The following CADM2 variants were observed in gnomAD, a reference collection of about 807,000 sequenced individuals.
The protein encoded by CADM2 is immunoglobulin superfamily member 4D.
Under a neutral mutation model 49.8 loss-of-function variants are expected in CADM2, and 12 were observed. That is an observed-to-expected ratio of 0.24 (90% CI 0.15 to 0.39). CADM2 has a LOEUF of 0.39. Among genes scored for constraint, CADM2 ranks in the 10% least tolerant of loss-of-function variants. The pLI, the probability that CADM2 is intolerant of heterozygous loss-of-function variation, is 1.00. For missense variants in CADM2, 378 were observed against 492.3 expected (o/e 0.77, Z 2.20); for synonymous variants, 214 against 175.4 (o/e 1.22, Z -1.74).
chr3:86,006,728 G>C (rs1431564405), intron 8 of CADM2, among the ~76,000 whole-genome samples: 1 of 151,988 alleles, frequency 6.6e-6, no homozygotes, highest in Non-Finnish European at 1.5e-5. Flanking sequence ...CATCTTTCTA[G>C]AGCACTGGGT....
intron 1 of CADM2, among the ~76,000 whole-genome samples, chr3:85,582,887 C>T (rs886799672): frequency 5.9e-5 from 9 of 152,048 alleles, no homozygotes; most frequent in South Asian, 2.1e-4. Context: ...TTGTTGGTGA[C>T]GGTTGGCAAG....
chr3:85,325,370 C>A (rs2044722182), intron 1 of CADM2, among the ~76,000 whole-genome samples: 1 of 152,120 alleles, frequency 6.6e-6, no homozygotes, highest in Non-Finnish European at 1.5e-5. Flanking sequence ...TTAATTTCTT[C>A]TCATCCTCAC....
chr3:85,913,664 T>A (rs1330552723), intron 6 of CADM2, among the ~76,000 whole-genome samples: 1 of 152,154 alleles, frequency 6.6e-6, no homozygotes, highest in Non-Finnish European at 1.5e-5. Context: ...TCACCTCCGC[T>A]ATCACCAACA....
rs574372922 is a variant in CADM2, at chr3:85,251,086, C to T, written c.61+291418C>T. Among the ~76,000 whole-genome samples the T allele has an allele frequency of 8.4e-4, 127 of 151,588 alleles. 1 individual carries two copies. In the Middle Eastern group the frequency reaches 0.014, roughly 16 times the overall value. ...AGAATTTATTTTGATCTATAATATC[C>T]AGTTAAGTTTTAAATTGAGTTTTTT... On this transcript the variant is annotated intron_variant, in intron 1 of 9. Transcript: ENST00000383699.
intron 1 of CADM2, among the ~76,000 whole-genome samples, chr3:85,005,472 C>A (rs2107230837): frequency 6.6e-6 from 1 of 152,118 alleles, no homozygotes; most frequent in African/African-American, 2.4e-5. Context: ...AAAAATTCAT[C>A]CTAGTTTCTT....
At chr3:85,824,312 T>C (rs1200117078) in intron 3 of CADM2, among the ~76,000 whole-genome samples, 3 of 152,120 alleles carry the variant, frequency 2.0e-5, no homozygotes, top group African/African-American at 7.2e-5. Flanking sequence ...TGCTTATCCA[T>C]GGTTTAGAGT....
intron 1 of CADM2, among the ~76,000 whole-genome samples, chr3:85,583,703 TA>T (rs2062857382): frequency 6.6e-6 from 1 of 152,084 alleles, no homozygotes; most frequent in Admixed American, 6.6e-5. Flanking sequence ...CCAAACCTTT[TA>T]AAAAGGGTAA....
At chr3:85,797,681 C>A in intron 2 of CADM2, among the ~76,000 whole-genome samples, 1 of 152,088 alleles carries the variant, frequency 6.6e-6, no homozygotes, top group Middle Eastern at 3.2e-3. Flanking sequence ...TGGGTTGGTT[C>A]CAAGTCTTTG....
chr3:85,332,771 G>T (rs993555504), intron 1 of CADM2, among the ~76,000 whole-genome samples: 1 of 151,776 alleles, frequency 6.6e-6, no homozygotes, highest in Non-Finnish European at 1.5e-5. Context: ...TCAAGCAAAG[G>T]CAGATAAAAG....
chr3:85,949,403 G>T (rs989722531), intron 7 of CADM2, among the ~76,000 whole-genome samples: 20 of 151,184 alleles, frequency 1.3e-4, no homozygotes, highest in Admixed American at 4.0e-4. Flanking sequence ...TCAGCTATGA[G>T]AAAGCTGGGT....
At chr3:85,881,729 T>TA (rs913053068) in intron 3 of CADM2, among the ~76,000 whole-genome samples, 1 of 152,108 alleles carries the variant, frequency 6.6e-6, no homozygotes, top group African/African-American at 2.4e-5. Flanking sequence ...CTAGGTGAGC[T>TA]AAAAAATGCT....
At chr3:86,018,917 A>G (rs1732719314) in intron 8 of CADM2, among the ~76,000 whole-genome samples, 1 of 148,158 alleles carries the variant, frequency 6.7e-6, no homozygotes, top group Non-Finnish European at 1.5e-5. Flanking sequence ...TTTTGTTGCC[A>G]TTGCTTTTGG....
At chr3:85,365,132 T>TA (rs542727204) in intron 1 of CADM2, among the ~76,000 whole-genome samples, 1 of 150,266 alleles carries the variant, frequency 6.7e-6, no homozygotes, top group Non-Finnish European at 1.5e-5. Flanking sequence ...TTTTTCTATT[T>TA]AAAAAAATTA....
intron 1 of CADM2, among the ~76,000 whole-genome samples, chr3:85,439,822 G>A (rs939681046): frequency 6.6e-6 from 1 of 152,116 alleles, no homozygotes; most frequent in African/African-American, 2.4e-5. Context: ...AGAATATTCA[G>A]TTATCAGGTG....
rs993694553 is a variant in CADM2, at chr3:85,001,640, C to A, written c.61+41972C>A. On this transcript the variant is annotated intron_variant, in intron 1 of 9. Transcript: ENST00000383699. ...GACAATACTATTTATCTTATAGAAA[C>A]GTTTTAAAGATAAAAGAGTTAAGAT... Among the ~76,000 whole-genome samples, 11 of 152,034 alleles carry A rather than the reference C, an allele frequency of 7.2e-5. 1 individual carries two copies. The South Asian group carries it at 2.3e-3, about 32-fold the overall frequency.
intron 1 of CADM2, among the ~76,000 whole-genome samples, chr3:85,158,592 C>T (rs1004242292): frequency 1.4e-4 from 21 of 151,750 alleles, no homozygotes; most frequent in Non-Finnish European, 2.5e-4. Context: ...TCGCCAAGAA[C>T]GAAAAAACAA....
intron 1 of CADM2, among the ~76,000 whole-genome samples, chr3:85,388,658 T>C (rs925147761): frequency 2.6e-5 from 4 of 152,090 alleles, no homozygotes; most frequent in African/African-American, 9.7e-5. Context: ...AGGAACAACA[T>C]ATGCTAGAAT....
At chr3:85,245,061 A>G (rs547308927) in intron 1 of CADM2, among the ~76,000 whole-genome samples, 1 of 152,298 alleles carries the variant, frequency 6.6e-6, no homozygotes, top group Admixed American at 6.5e-5. Context: ...TCTAGCCAGG[A>G]AAACCAGACA....
At chr3:86,035,188 T>C (rs556942623) in intron 8 of CADM2, among the ~76,000 whole-genome samples, 1 of 152,200 alleles carries the variant, frequency 6.6e-6, no homozygotes, top group South Asian at 2.1e-4. Flanking sequence ...TGTTGTTTTC[T>C]GAGCTCCCTG....
Sources: allele counts gnomAD v4.1 joint callset (sites outside exome capture counted in the v4.1 genomes callset), GRCh38; gene constraint gnomAD v4.1.1; transcripts MANE v1.5; gene names NCBI Gene and HGNC (gene_info 2026-07-23, HGNC 2026-07-21).